POU3F3: variants seen among roughly 807,000 people sequenced by gnomAD.
POU3F3 encodes POU domain, class 3, transcription factor 3.
POU3F3 carries 1 observed loss-of-function variant against 8.6 expected under a neutral mutation model. The ratio of observed to expected loss-of-function variants is 0.12; its 90% CI spans 0.04 to 0.55. The LOEUF (loss-of-function observed/expected upper bound fraction) is 0.55. POU3F3 is among the 20% of genes least tolerant of loss of function. POU3F3 has a pLI of 0.91. For missense variants in POU3F3, 577 were observed against 690.7 expected, an observed-to-expected ratio of 0.84 and a Z score of 1.84; for synonymous variants, 418 against 327.4, an observed-to-expected ratio of 1.28 and a Z score of -2.99.
At chr2:104,875,501 A>G in the POU3F3 span, among the ~76,000 whole-genome samples, 2 of 152,062 alleles carry the variant, frequency 1.3e-5, no homozygotes, top group Non-Finnish European at 2.9e-5. Flanking sequence ...ACACACCAAC[A>G]CTTGTTATTT....
the POU3F3 span, chr2:104,868,120 A>C: frequency 2.7e-6 from 1 of 372,228 alleles, no homozygotes; most frequent in Admixed American, 3.6e-5. Context: ...GTAAGAAAAA[A>C]ATCACCCGGA....
At chr2:104,907,733 C>T in the POU3F3 span, among the ~76,000 whole-genome samples, 21 of 152,178 alleles carry the variant, frequency 1.4e-4, no homozygotes, top group African/African-American at 5.1e-4. Flanking sequence ...AAAAATTTTG[C>T]CTCCTTCTTT....
chr2:104,918,399 C>G, the POU3F3 span, among the ~76,000 whole-genome samples: 13 of 152,176 alleles, frequency 8.5e-5, no homozygotes, highest in Admixed American at 8.5e-4. Context: ...AAGTTCTAAC[C>G]TTCAGTCACT....
Position 104,855,803 on chromosome 2 carries a change from T to C in POU3F3, c.293T>C (p.Val98Ala), listed in dbSNP as rs1174526903. 9 of 1,244,182 alleles carry C rather than the reference T, an allele frequency of 7.2e-6. No homozygotes were observed. The highest frequency in any genetic ancestry group is 4.9e-5 in the African/African-American group (3 of 60,660). The allele number at this position is 1,244,182 out of a possible 1,614,324, so 77.1% of individuals were successfully genotyped here. A position where few individuals can be genotyped will look rare whatever the true frequency, so the allele number is the denominator to read the frequency against. ...GHMLSHAHQW[V>A]TALPHAAAAA... is the part of the protein sequence containing the mutation. ...ATGCTGAGCCACGCGCACCAGTGGG[T>C]CACAGCCCTGCCCCACGCCGCCGCC... The change falls in exon 1 of 1, where the codon GTC (valine) becomes GCC (alanine). Residue 98 changes from valine (V) to alanine (A), a missense_variant. This residue lies in a region of POU3F3 where 484 missense variants were observed against 422.6 expected (regional missense o/e 1.15). Transcript: ENST00000361360.
the POU3F3 span, among the ~76,000 whole-genome samples, chr2:104,924,408 C>T: frequency 3.9e-5 from 6 of 152,134 alleles, no homozygotes; most frequent in African/African-American, 1.2e-4. Context: ...AAACTCAAAC[C>T]CCAGTCTTCT....
At chr2:104,923,978 C>T in the POU3F3 span, among the ~76,000 whole-genome samples, 1 of 152,006 alleles carries the variant, frequency 6.6e-6, no homozygotes, top group East Asian at 1.9e-4. Context: ...ATGTTGCTTG[C>T]CAGTGGTTGG....
chr2:104,870,867 C>G, the POU3F3 span, among the ~76,000 whole-genome samples: 1 of 152,214 alleles, frequency 6.6e-6, no homozygotes. Context: ...TAAATAAACC[C>G]AGCTACACAG....
chr2:104,897,664 A>G, the POU3F3 span, among the ~76,000 whole-genome samples: 1 of 152,204 alleles, frequency 6.6e-6, no homozygotes. Context: ...TCAGTGCTGG[A>G]AAGGAATGGA....
At chr2:104,919,215 T>C in the POU3F3 span, among the ~76,000 whole-genome samples, 1 of 152,358 alleles carries the variant, frequency 6.6e-6, no homozygotes, top group South Asian at 2.1e-4. Flanking sequence ...GAGAACAGTA[T>C]GTGCTGTGTG....
the POU3F3 span, among the ~76,000 whole-genome samples, chr2:104,915,671 C>T: frequency 1.3e-5 from 2 of 151,864 alleles, no homozygotes; most frequent in African/African-American, 4.8e-5. Flanking sequence ...GTAGGGATCC[C>T]CCAAATCCCT....
the POU3F3 span, among the ~76,000 whole-genome samples, chr2:104,890,391 A>G: frequency 1.3e-5 from 2 of 151,938 alleles, no homozygotes; most frequent in Admixed American, 1.3e-4. Flanking sequence ...TGTGACAAGA[A>G]CCTGACTTTT....
the POU3F3 span, among the ~76,000 whole-genome samples, chr2:104,865,128 T>C: frequency 6.6e-6 from 1 of 152,224 alleles, no homozygotes; most frequent in South Asian, 2.1e-4. Flanking sequence ...GGTGATGACT[T>C]CCTAGTCACC....
At chr2:104,917,871 G>A in the POU3F3 span, among the ~76,000 whole-genome samples, 2 of 152,128 alleles carry the variant, frequency 1.3e-5, no homozygotes, top group Non-Finnish European at 2.9e-5. Flanking sequence ...AAGCAGCAGA[G>A]TTGGGGAATG....
the POU3F3 span, among the ~76,000 whole-genome samples, chr2:104,880,832 G>C: frequency 1.3e-5 from 2 of 152,042 alleles, no homozygotes; most frequent in Non-Finnish European, 2.9e-5. Flanking sequence ...TTCTTTATCC[G>C]GGGCAGGGAT....
the POU3F3 span, among the ~76,000 whole-genome samples, chr2:104,884,091 G>T: frequency 1.3e-5 from 2 of 152,218 alleles, no homozygotes; most frequent in African/African-American, 2.4e-5. Flanking sequence ...CATTAAGTTA[G>T]AGATGACAAC....
rs896028039 is a variant in POU3F3, at chr2:104,857,153, C to G, written c.*140C>G. On this transcript the variant is annotated 3_prime_UTR_variant, in exon 1 of 1. Coordinates refer to ENST00000361360, the MANE Select transcript of POU3F3 (RefSeq NM_006236.3). ...CGCCGACCCTGCACCTGGGCCGCTC[C>G]GGGCTCCAGCCCAGGCCCATCCGCC... The G allele has an allele frequency of 1.1e-6, 1 of 893,128 alleles. No homozygotes were observed. Among genetic ancestry groups the G allele is most frequent in the Non-Finnish European group, 1.3e-6 (1 of 746,386 alleles). 55.3% of individuals were successfully genotyped at this position (893,128 alleles called of 1,614,324 possible). A position where few individuals can be genotyped will look rare whatever the true frequency, so the allele number is the denominator to read the frequency against.
At chr2:104,896,824 C>T in the POU3F3 span, among the ~76,000 whole-genome samples, 2 of 152,256 alleles carry the variant, frequency 1.3e-5, no homozygotes, top group South Asian at 2.1e-4. Context: ...ACGATGGTCT[C>T]ATATCCTGCT....
rs1184145745 is a variant in POU3F3 at position 104,855,420 on chromosome 2, C to CGCGGCG, written c.-70_-65dup. 52 of 495,602 alleles carry CGCGGCG rather than the reference C, an allele frequency of 1.0e-4. No homozygotes were observed. The highest frequency in any genetic ancestry group is 1.0e-3 in the Admixed American group (9 of 9,026). 30.7% of individuals were successfully genotyped at this position (495,602 alleles called of 1,614,324 possible). A position where few individuals can be genotyped will look rare whatever the true frequency, so the allele number is the denominator to read the frequency against. On this transcript the variant is annotated 5_prime_UTR_variant, in exon 1 of 1. Coordinates refer to ENST00000361360, the MANE Select transcript of POU3F3 (RefSeq NM_006236.3). Reference sequence around the variant, plus strand: ...GGGGGAGGAGGCGGGAGGCGGGGGGCGCGGCGGCGGCGGCGGCGGCGGCGG... The same window carrying CGCGGCG: ...GGGGGAGGAGGCGGGAGGCGGGGGGCGCGGCGGCGGCGGCGGCGGCGGCGGCGGCGG...
Position 104,855,450 on chromosome 2 carries a change from G to GGCTGCT in POU3F3, c.-55_-50dup. 2.3e-6 allele frequency: 2 copies of GGCTGCT among 861,636 alleles called. No homozygotes were observed. The highest frequency in any genetic ancestry group is 3.8e-5 in the African/African-American group (2 of 52,318). 53.4% of individuals were successfully genotyped at this position (861,636 alleles called of 1,614,324 possible). A position where few individuals can be genotyped will look rare whatever the true frequency, so the allele number is the denominator to read the frequency against. ...CGGCGGCGGCGGCGGCGGCGGCCGC[G>GGCTGCT]GCTGCTGCTGCGGCGGCGGCGGCGG... On this transcript the variant is annotated 5_prime_UTR_variant, in exon 1 of 1. Transcript: ENST00000361360.
Sources: allele counts gnomAD v4.1 joint callset (sites outside exome capture counted in the v4.1 genomes callset), GRCh38; gene constraint gnomAD v4.1.1; regional missense constraint gnomAD v4.1.1; transcripts MANE v1.5; gene names NCBI Gene and HGNC (gene_info 2026-07-23, HGNC 2026-07-21).